Variants in SLC15A1 observed in about 807,000 individuals in gnomAD.
SLC15A1 encodes the protein solute carrier family 15 member 1.
Under a neutral mutation model 92.9 loss-of-function variants are expected in SLC15A1, and 83 were observed. That is an observed-to-expected ratio of 0.89 (90% CI 0.75 to 1.07). SLC15A1 has a LOEUF of 1.07. Among genes scored for constraint, SLC15A1 ranks in the 50% least tolerant of loss-of-function variants. The pLI, the probability that SLC15A1 is intolerant of heterozygous loss-of-function variation, is 0.00. For synonymous variants in SLC15A1, 322 were observed against 318.2 expected (o/e 1.01, Z -0.13); for missense variants, 857 against 880.1 (o/e 0.97, Z 0.33).
intron 17 of SLC15A1, 104 bp from the exon 18 acceptor site, chr13:98,702,633 C>T: frequency 2.1e-6 from 2 of 931,522 alleles, no homozygotes; most frequent in Non-Finnish European, 3.5e-6. Context: ...TGACACTTAT[C>T]CTAGGACCTA....
chr13:98,684,708 A>G lies in SLC15A1; in HGVS notation c.*16T>C. 1.2e-6 allele frequency: 2 copies of G among 1,612,302 alleles called. No homozygotes were observed. The highest frequency in any genetic ancestry group is 8.5e-7 in the Non-Finnish European group (1 of 1,178,756). ...CATCTGCGGGCCCAGTCCATCCTCCACTTGCCTCCTGACCTTCACATCTGT... is the reference window on the plus strand; with the variant it reads ...CATCTGCGGGCCCAGTCCATCCTCCGCTTGCCTCCTGACCTTCACATCTGT... On this transcript the variant is annotated 3_prime_UTR_variant, in exon 23 of 23. Transcript: ENST00000376503.
Position 98,703,539 on chromosome 13 carries a change from CTTTTTTTTTTT to C in SLC15A1, c.1416+739_1416+749del, listed in dbSNP as rs771426478. ...TATACCTTTGTAGCTGCTGCTGCTG[CTTTTTTTTTTT>C]TTTTTTTTTTTTTTTTTTTTTTTTG... On this transcript the variant is annotated intron_variant, in intron 17 of 22. Transcript: ENST00000376503. 5.0e-3 allele frequency among the ~76,000 whole-genome samples: 425 copies of C among 85,474 alleles called. 4 individuals carry two copies. Among genetic ancestry groups the C allele is most frequent in the African/African-American group, 0.026 (391 of 15,140 alleles). The allele number at this position is 85,474 out of a possible 152,430, so 56.1% of individuals were successfully genotyped here. A position where few individuals can be genotyped will look rare whatever the true frequency, so the allele number is the denominator to read the frequency against.
intron 18 of SLC15A1, among the ~76,000 whole-genome samples, chr13:98,699,283 A>C (rs1233873631): frequency 1.3e-5 from 2 of 152,226 alleles, no homozygotes; most frequent in Non-Finnish European, 2.9e-5. Flanking sequence ...AGAAGGAACC[A>C]GTGAGCTGTC....
chr13:98,708,814 GAGCTAAGCTA>G (rs762388733), intron 14 of SLC15A1, 47 bp from the exon 15 acceptor site: 1 of 1,465,524 alleles, frequency 6.8e-7, no homozygotes, highest in Non-Finnish European at 9.3e-7. Flanking sequence ...TCACATAGAT[GAGCTAAGCTA>G]AACCCCCACC....
intron 1 of SLC15A1, among the ~76,000 whole-genome samples, chr13:98,731,085 G>A (rs1317126547): frequency 6.6e-6 from 1 of 152,148 alleles, no homozygotes; most frequent in Non-Finnish European, 1.5e-5. Context: ...TTTCAGTAGC[G>A]GTTCCTTCCC....
At chr13:98,726,892 C>G in intron 1 of SLC15A1, 33 bp from the exon 2 acceptor site, 1 of 1,609,502 alleles carries the variant, frequency 6.2e-7, no homozygotes, top group East Asian at 2.2e-5. Context: ...ATATTAAAGT[C>G]AAGCCATTAC....
chr13:98,707,956 T>C (rs1211636994), intron 15 of SLC15A1, among the ~76,000 whole-genome samples: 2 of 150,530 alleles, frequency 1.3e-5, no homozygotes, highest in African/African-American at 4.9e-5. Context: ...TATATATATA[T>C]TTACTGCAAT....
chr13:98,695,479 G>A (rs949588664), intron 18 of SLC15A1, among the ~76,000 whole-genome samples: 1 of 152,004 alleles, frequency 6.6e-6, no homozygotes, highest in Non-Finnish European at 1.5e-5. Context: ...TGCAACCTCC[G>A]TGCCCCAGGT....
At chr13:98,748,590 C>G (rs1285657694) in intron 1 of SLC15A1, among the ~76,000 whole-genome samples, 1 of 152,148 alleles carries the variant, frequency 6.6e-6, no homozygotes, top group African/African-American at 2.4e-5. Context: ...CCGCAGTGCC[C>G]AGCTATCCCT....
At chr13:98,710,286 C>T (rs899846226) in intron 11 of SLC15A1, among the ~76,000 whole-genome samples, 10 of 152,116 alleles carry the variant, frequency 6.6e-5, no homozygotes, top group African/African-American at 2.2e-4. Context: ...TCACTGCCAT[C>T]CAAGATTCAC....
rs558761668 is a variant in SLC15A1 at position 98,699,255 on chromosome 13, T to C, written c.1466+3225A>G. Among the ~76,000 whole-genome samples, 40 of 152,364 alleles carry C rather than the reference T, an allele frequency of 2.6e-4. No homozygotes were observed. The South Asian group carries it at 6.2e-3, about 24-fold the overall frequency. ...TGGGCAAGAGAACAATTTCCATTTT[T>C]AACCACAGAGCTATGGCAGAAGGAA... On this transcript the variant is annotated intron_variant, in intron 18 of 22. Transcript: ENST00000376503.
At chr13:98,706,921 CA>C (rs2088117527) in intron 15 of SLC15A1, among the ~76,000 whole-genome samples, 1 of 152,218 alleles carries the variant, frequency 6.6e-6, no homozygotes, top group South Asian at 2.1e-4. Flanking sequence ...ATAACCTAAA[CA>C]AATATCCTTC....
At chr13:98,695,041 A>T (rs2088011020) in intron 18 of SLC15A1, among the ~76,000 whole-genome samples, 1 of 150,940 alleles carries the variant, frequency 6.6e-6, no homozygotes, top group East Asian at 1.9e-4. Flanking sequence ...AAAAAAAAAA[A>T]GAGATGCATA....
chr13:98,708,777 C>A lies in SLC15A1; in HGVS notation c.1068-10G>T, dbSNP rs752987750. 30 of 1,605,446 alleles carry A rather than the reference C, an allele frequency of 1.9e-5. No homozygotes were observed. The highest frequency in any genetic ancestry group is 2.5e-5 in the Non-Finnish European group (29 of 1,176,130). On this transcript the variant is annotated splice_polypyrimidine_tract_variant and intron_variant, in intron 14 of 22. Transcript: ENST00000376503. ...CATCTTCTTCAAGGAGCTGATGGCA[C>A]AAGAGAAGAGTGACTCTCAACCAGT...
chr13:98,740,809 C>A (rs2088437908), intron 1 of SLC15A1, among the ~76,000 whole-genome samples: 1 of 152,136 alleles, frequency 6.6e-6, no homozygotes, highest in Non-Finnish European at 1.5e-5. Context: ...ATATGGGTGC[C>A]TGGTGTCACA....
At chr13:98,737,945 C>T (rs1723529920) in intron 1 of SLC15A1, among the ~76,000 whole-genome samples, 1 of 152,130 alleles carries the variant, frequency 6.6e-6, no homozygotes, top group Non-Finnish European at 1.5e-5. Context: ...GAAGAGGTCT[C>T]AGGTGGAAAT....
At position 98,716,075 on chromosome 13, in the gene SLC15A1, A is replaced by G. The variant is rs1304820081; in HGVS notation, c.641-115T>C. 3.4e-6 allele frequency: 3 copies of G among 869,588 alleles called. No individual in the cohort carries two copies. The African/African-American group carries it at 4.9e-5, about 14-fold the overall frequency. The allele number at this position is 869,588 out of a possible 1,614,324, so 53.9% of individuals were successfully genotyped here. A position where few individuals can be genotyped will look rare whatever the true frequency, so the allele number is the denominator to read the frequency against. On this transcript the variant is annotated intron_variant, in intron 8 of 22. Transcript: ENST00000376503. ...TTGTTTTGGGATAATGGGATTACTT[A>G]TGGAATGGGTTTACCTTCCAACCTC... is the stretch of plus-strand genomic sequence containing the variant.
chr13:98,695,205 T>C (rs2088012637), intron 18 of SLC15A1, among the ~76,000 whole-genome samples: 1 of 152,174 alleles, frequency 6.6e-6, no homozygotes, highest in African/African-American at 2.4e-5. Flanking sequence ...GAACAATGTA[T>C]AACATTTAAA....
intron 2 of SLC15A1, 62 bp downstream of exon 2, chr13:98,726,781 G>A: frequency 6.6e-7 from 1 of 1,504,294 alleles, no homozygotes; most frequent in Non-Finnish European, 9.3e-7. Flanking sequence ...AACCCTTAGG[G>A]GTAAAACAGA....
Sources: allele counts gnomAD v4.1 joint callset (sites outside exome capture counted in the v4.1 genomes callset), GRCh38; gene constraint gnomAD v4.1.1; transcripts MANE v1.5; gene names NCBI Gene and HGNC (gene_info 2026-07-23, HGNC 2026-07-21).